Variants in IGF2BP3 observed in about 807,000 individuals in gnomAD.
IGF2BP3 encodes insulin-like growth factor 2 mRNA-binding protein 3.
A neutral mutation model predicts 73.8 loss-of-function variants in IGF2BP3; 9 were observed. The observed-to-expected ratio is 0.12, with a 90% CI of 0.07 to 0.21. The LOEUF (loss-of-function observed/expected upper bound fraction) is 0.21, where lower values mean the gene tolerates loss of function less well. Ranked by LOEUF, IGF2BP3 falls within the 10% of genes least tolerant of loss-of-function variation. The pLI, the probability that IGF2BP3 is intolerant of heterozygous loss-of-function variation, is 1.00. For synonymous variants in IGF2BP3, 258 were observed against 256.7 expected (o/e 1.01, Z -0.05); for missense variants, 542 against 714.0 (o/e 0.76, Z 2.75).
rs371933782 is a variant in IGF2BP3 at position 23,425,007 on chromosome 7, T to C, written c.237-6183A>G. On this transcript the variant is annotated intron_variant, in intron 2 of 14. Coordinates refer to ENST00000258729, the MANE Select transcript of IGF2BP3 (RefSeq NM_006547.3). ...AGCATGCCATGCTGAACTACTCCAGTAAACAACAATGAAAAATAAGGAGCT... is the reference window on the plus strand; with the variant it reads ...AGCATGCCATGCTGAACTACTCCAGCAAACAACAATGAAAAATAAGGAGCT... 1.6e-4 allele frequency among the ~76,000 whole-genome samples: 24 copies of C among 152,306 alleles called. 1 individual carries two copies. Among genetic ancestry groups the C allele is most frequent in the Admixed American group, 9.8e-4 (15 of 15,300 alleles).
chr7:23,316,471 C>T (rs1583872973), intron 12 of IGF2BP3, among the ~76,000 whole-genome samples: 1 of 151,950 alleles, frequency 6.6e-6, no homozygotes, highest in African/African-American at 2.4e-5. Flanking sequence ...CACTTGAGGT[C>T]AGGAGTTTGA....
chr7:23,418,593 C>T (rs1278295526), intron 3 of IGF2BP3, among the ~76,000 whole-genome samples, 183 bp downstream of exon 3: 1 of 152,112 alleles, frequency 6.6e-6, no homozygotes, highest in Non-Finnish European at 1.5e-5. Context: ...TCCCAAAGAG[C>T]AGATTTTTAA....
At chr7:23,422,450 G>C (rs1226343026) in intron 2 of IGF2BP3, among the ~76,000 whole-genome samples, 1 of 152,138 alleles carries the variant, frequency 6.6e-6, no homozygotes, top group Non-Finnish European at 1.5e-5. Context: ...AGATACTCAG[G>C]ATGCTGAGGT....
At chr7:23,364,886 A>C (rs1785329994) in intron 3 of IGF2BP3, among the ~76,000 whole-genome samples, 1 of 151,172 alleles carries the variant, frequency 6.6e-6, no homozygotes, top group African/African-American at 2.4e-5. Flanking sequence ...AGCTTTTAGG[A>C]CCAGACACGG....
chr7:23,389,993 C>T (rs1320724536), intron 3 of IGF2BP3, among the ~76,000 whole-genome samples: 3 of 152,190 alleles, frequency 2.0e-5, no homozygotes, highest in Middle Eastern at 6.8e-3. Context: ...CACACACACA[C>T]ACCCCTTTGA....
intron 2 of IGF2BP3, among the ~76,000 whole-genome samples, chr7:23,453,562 A>G (rs12700440): frequency 0.16 from 24,306 of 152,214 alleles, 2,320 homozygotes; most frequent in South Asian, 0.27. Flanking sequence ...ATTGCTGATT[A>G]AAACTGTGCT....
At chr7:23,335,791 G>A (rs962189627) in intron 10 of IGF2BP3, among the ~76,000 whole-genome samples, 5 of 152,288 alleles carry the variant, frequency 3.3e-5, no homozygotes, top group East Asian at 1.9e-4. Flanking sequence ...AAGGCGACAC[G>A]CACTATGCCA....
At position 23,406,067 on chromosome 7, in the gene IGF2BP3, T is replaced by TA. The variant is rs35605892; in HGVS notation, c.285+12708dup. Among the ~76,000 whole-genome samples, 180 of 138,996 alleles carry TA rather than the reference T, an allele frequency of 1.3e-3. 1 individual carries two copies. Among genetic ancestry groups the TA allele is most frequent in the Middle Eastern group, 3.5e-3 (1 of 282 alleles). The allele number at this position is 138,996 out of a possible 152,430, so 91.2% of individuals were successfully genotyped here. A position where few individuals can be genotyped will look rare whatever the true frequency, so the allele number is the denominator to read the frequency against. On this transcript the variant is annotated intron_variant, in intron 3 of 14. Coordinates refer to ENST00000258729, the MANE Select transcript of IGF2BP3 (RefSeq NM_006547.3). ...AAAGCCATGATCAAAATTTTCTGAT[T>TA]AAAAAAAAAAAAAAAGAAAGAAAAA...
rs769743898 is a variant in IGF2BP3, at chr7:23,361,778, T to C, written c.286-37A>G. The C allele has an allele frequency of 3.9e-6, 6 of 1,558,332 alleles. No homozygotes were observed. The African/African-American group carries it at 5.5e-5, about 14-fold the overall frequency. ...GGGAGAGAAAATTATAAATTTTGAGTTTCCCAAGTTATTATCAAGGGCAGG... is the reference window on the plus strand; with the variant it reads ...GGGAGAGAAAATTATAAATTTTGAGCTTCCCAAGTTATTATCAAGGGCAGG... On this transcript the variant is annotated intron_variant, in intron 3 of 14. Coordinates refer to ENST00000258729, the MANE Select transcript of IGF2BP3 (RefSeq NM_006547.3).
At position 23,380,245 on chromosome 7, in the gene IGF2BP3, C is replaced by G. The variant is rs187475426; in HGVS notation, c.286-18504G>C. ...GTGGCACGATCTCAGCTCACTGCAA[C>G]CTCCGCCTCCCGGGTTCACGCCATT... is the stretch of plus-strand genomic sequence containing the variant. On this transcript the variant is annotated intron_variant, in intron 3 of 14. Coordinates refer to ENST00000258729, the MANE Select transcript of IGF2BP3 (RefSeq NM_006547.3). Among the ~76,000 whole-genome samples the G allele has an allele frequency of 6.4e-3, 956 of 150,034 alleles. 7 individuals carry two copies. Among genetic ancestry groups the G allele is most frequent in the Non-Finnish European group, 0.011 (732 of 67,606 alleles).
intron 10 of IGF2BP3, among the ~76,000 whole-genome samples, chr7:23,330,245 C>T (rs761946834): frequency 2.0e-5 from 3 of 151,712 alleles, no homozygotes; most frequent in Admixed American, 6.6e-5. Flanking sequence ...GAGATCACAC[C>T]ATTGCACTCC....
chr7:23,418,744 T>C (rs147871568), intron 3 of IGF2BP3, 32 bp downstream of exon 3: 1 of 1,429,176 alleles, frequency 7.0e-7, no homozygotes, highest in Non-Finnish European at 9.7e-7. Context: ...CTTCCATACT[T>C]AGATCTTAAT....
chr7:23,386,256 T>C (rs996049011), intron 3 of IGF2BP3, among the ~76,000 whole-genome samples: 2 of 152,120 alleles, frequency 1.3e-5, no homozygotes, highest in Admixed American at 6.5e-5. Context: ...CCCAGCCCTT[T>C]GGGAGGCCAA....
At chr7:23,350,736 A>G (rs1200881162) in intron 6 of IGF2BP3, among the ~76,000 whole-genome samples, 1 of 152,246 alleles carries the variant, frequency 6.6e-6, no homozygotes, top group Non-Finnish European at 1.5e-5. Flanking sequence ...TCTGCTCCTG[A>G]TAATTAGCTC....
chr7:23,349,339 CAA>C (rs1052662797), intron 6 of IGF2BP3, among the ~76,000 whole-genome samples: 5 of 151,938 alleles, frequency 3.3e-5, no homozygotes, highest in Non-Finnish European at 5.9e-5. Context: ...AGATTTACCT[CAA>C]GAGTAAAAGA....
intron 3 of IGF2BP3, among the ~76,000 whole-genome samples, chr7:23,391,466 C>T (rs1020518800): frequency 2.2e-4 from 33 of 152,176 alleles, no homozygotes; most frequent in African/African-American, 8.0e-4. Context: ...CCATGACACT[C>T]TCGCTTTCCA....
At chr7:23,383,894 AGACCATCCT>A (rs1785995080) in intron 3 of IGF2BP3, among the ~76,000 whole-genome samples, 1 of 151,986 alleles carries the variant, frequency 6.6e-6, no homozygotes, top group Non-Finnish European at 1.5e-5. Context: ...CAGGAGATCG[AGACCATCCT>A]GGCTAACACG....
At chr7:23,431,580 C>G (rs1301488067) in intron 2 of IGF2BP3, among the ~76,000 whole-genome samples, 1 of 151,872 alleles carries the variant, frequency 6.6e-6, no homozygotes, top group Non-Finnish European at 1.5e-5. Flanking sequence ...AAGCATACTT[C>G]CTGCAACAGT....
chr7:23,352,670 G>A (rs1287921588), intron 5 of IGF2BP3, among the ~76,000 whole-genome samples: 2 of 152,092 alleles, frequency 1.3e-5, no homozygotes, highest in South Asian at 2.1e-4. Flanking sequence ...ATTTTCACAA[G>A]GTGAACACAC....
Sources: allele counts gnomAD v4.1 joint callset (sites outside exome capture counted in the v4.1 genomes callset), GRCh38; gene constraint gnomAD v4.1.1; transcripts MANE v1.5; gene names NCBI Gene and HGNC (gene_info 2026-07-23, HGNC 2026-07-21).